MYO10: variants seen among roughly 807,000 people sequenced by gnomAD.
The protein encoded by MYO10 is unconventional myosin-X.
Under a neutral mutation model 257.3 loss-of-function variants are expected in MYO10, and 133 were observed. That is an observed-to-expected ratio of 0.52 (90% CI 0.45 to 0.60). MYO10 has a LOEUF of 0.60. Ranked by LOEUF, MYO10 falls within the 20% of genes least tolerant of loss-of-function variation. The pLI, the probability that MYO10 is intolerant of heterozygous loss-of-function variation, is 0.00. For synonymous variants in MYO10, 1,104 were observed against 1,028.6 expected (o/e 1.07, Z -1.40); for missense variants, 2,399 against 2,635.7 (o/e 0.91, Z 1.97).
chr5:16,892,924 G>A (rs896550132), intron 1 of MYO10, among the ~76,000 whole-genome samples: 3 of 152,166 alleles, frequency 2.0e-5, no homozygotes, highest in African/African-American at 4.8e-5. Flanking sequence ...GGCCAGGCAC[G>A]GTGGCTCACA....
intron 35 of MYO10, among the ~76,000 whole-genome samples, chr5:16,674,511 C>A (rs1736629227): frequency 6.6e-6 from 1 of 150,852 alleles, no homozygotes; most frequent in Admixed American, 6.6e-5. Flanking sequence ...TATAGCTAAT[C>A]AAAATCTCAA....
intron 28 of MYO10, among the ~76,000 whole-genome samples, chr5:16,686,043 T>C (rs979410653): frequency 2.6e-5 from 4 of 152,248 alleles, no homozygotes; most frequent in Non-Finnish European, 4.4e-5. Context: ...TAGTGCTATA[T>C]TATGTTCTAA....
intron 1 of MYO10, among the ~76,000 whole-genome samples, chr5:16,908,479 G>A (rs1317662230): frequency 6.6e-6 from 1 of 152,200 alleles, no homozygotes; most frequent in East Asian, 1.9e-4. Context: ...AGTGGGCTGA[G>A]ATCATGCCAC....
intron 19 of MYO10, among the ~76,000 whole-genome samples, chr5:16,724,133 C>T (rs552430846): frequency 3.7e-4 from 57 of 152,152 alleles, no homozygotes; most frequent in Non-Finnish European, 6.6e-4. Flanking sequence ...CTAAATGAAT[C>T]GACCTCACTA....
chr5:16,927,554 G>A (rs1344521999), intron 1 of MYO10, among the ~76,000 whole-genome samples: 1 of 152,166 alleles, frequency 6.6e-6, no homozygotes, highest in Admixed American at 6.5e-5. Flanking sequence ...TGGATCTCCT[G>A]ACCTCGTGAT....
At position 16,737,010 on chromosome 5, in the gene MYO10, C is replaced by T. The variant is rs1054002315; in HGVS notation, c.1929+17818G>A. On this transcript the variant is annotated intron_variant, in intron 19 of 40. Coordinates refer to ENST00000513610, the MANE Select transcript of MYO10 (RefSeq NM_012334.3). ...ATTCAAATCATGGTCTTTTGCCAAACGGCTAAAAGCTGAAATCTCAGTTAT... is the reference window on the plus strand; with the variant it reads ...ATTCAAATCATGGTCTTTTGCCAAATGGCTAAAAGCTGAAATCTCAGTTAT... Among the ~76,000 whole-genome samples, 14 of 151,720 alleles carry T rather than the reference C, an allele frequency of 9.2e-5. No homozygotes were observed. In the South Asian group the frequency reaches 1.0e-3, roughly 11 times the overall value.
intron 2 of MYO10, among the ~76,000 whole-genome samples, chr5:16,867,710 T>C (rs1744322168): frequency 6.6e-6 from 1 of 152,200 alleles, no homozygotes; most frequent in African/African-American, 2.4e-5. Context: ...TATAAATAAT[T>C]AGTGCTGTGT....
At chr5:16,667,612 C>T (rs1484196515) in intron 40 of MYO10, among the ~76,000 whole-genome samples, 1 of 152,150 alleles carries the variant, frequency 6.6e-6, no homozygotes, top group Non-Finnish European at 1.5e-5. Flanking sequence ...CACGACTCCC[C>T]ATCAGCCTAG....
chr5:16,811,164 G>T (rs549229474), intron 3 of MYO10, among the ~76,000 whole-genome samples: 1 of 152,104 alleles, frequency 6.6e-6, no homozygotes, highest in African/African-American at 2.4e-5. Flanking sequence ...GATGGTAAGT[G>T]GGGGGGGGAT....
Position 16,877,691 on chromosome 5 carries a change from AGC to A in MYO10, c.36_37del (p.Trp12CysfsTer55), listed in dbSNP as rs1368516513. The A allele has an allele frequency of 2.5e-6, 4 of 1,613,448 alleles. No homozygotes were observed. Among genetic ancestry groups the A allele is most frequent in the Non-Finnish European group, 8.5e-7 (1 of 1,179,656 alleles). On this transcript the variant is annotated frameshift_variant, in exon 2 of 41. Transcript: ENST00000513610. LOFTEE classifies it high-confidence loss of function. Reference sequence around the variant, plus strand: ...TGGAAAATGCTGGCCATTTTCTCTCAGCCAGACCCGTGTTCCCTGTAAACAAA... The same window carrying A: ...TGGAAAATGCTGGCCATTTTCTCTCACAGACCCGTGTTCCCTGTAAACAAA...
intron 2 of MYO10, among the ~76,000 whole-genome samples, chr5:16,820,920 T>C (rs954666044): frequency 1.3e-5 from 2 of 148,174 alleles, no homozygotes; most frequent in Admixed American, 6.8e-5. Context: ...GTATTTTACA[T>C]ATATAAAACA....
chr5:16,702,428 A>G, intron 24 of MYO10, 115 bp downstream of exon 24: 1 of 1,014,664 alleles, frequency 9.9e-7, no homozygotes, highest in Admixed American at 2.7e-5. Flanking sequence ...ATCCTCTTAA[A>G]TTGTTCTTCC....
At chr5:16,714,801 C>T (rs758352322) in intron 19 of MYO10, among the ~76,000 whole-genome samples, 3 of 152,024 alleles carry the variant, frequency 2.0e-5, no homozygotes, top group African/African-American at 4.8e-5. Flanking sequence ...CCAGCCTGGG[C>T]GACAGAGCGA....
chr5:16,793,651 CG>C (rs1245575901), intron 4 of MYO10, among the ~76,000 whole-genome samples: 2 of 150,820 alleles, frequency 1.3e-5, no homozygotes, highest in Middle Eastern at 3.2e-3. Flanking sequence ...AAATACTCGC[CG>C]GGAGCGGTGG....
intron 32 of MYO10, among the ~76,000 whole-genome samples, chr5:16,680,376 G>A (rs765971096): frequency 2.0e-5 from 3 of 152,174 alleles, no homozygotes; most frequent in Non-Finnish European, 4.4e-5. Context: ...AATGATAACT[G>A]GCTCTGGAAG....
chr5:16,883,983 A>G (rs1744827429), intron 1 of MYO10, among the ~76,000 whole-genome samples: 1 of 152,214 alleles, frequency 6.6e-6, no homozygotes, highest in South Asian at 2.1e-4. Flanking sequence ...GTGCCTGCTC[A>G]TCTCCCACAG....
In MYO10 at chr5:16,683,906, A is replaced by G. The variant is rs1420854744; in HGVS notation, c.4020T>C (p.Ser1340=). The G allele has an allele frequency of 6.2e-7, 1 of 1,613,704 alleles. No homozygotes were observed. The highest frequency in any genetic ancestry group is 8.5e-7 in the Non-Finnish European group (1 of 1,179,842). ...VGTLDVGLID[S]VCASDSPDRP... ...TATCAGGGCTGTCAGAGGCACACAC[A>G]GAATCAATCAGCCCCACATCCAAGG... Residue 1340 remains serine, a synonymous_variant, in exon 30 of 41, where the codon TCT becomes TCC. Transcript: ENST00000513610.
At chr5:16,800,077 G>A (rs1655073533) in intron 3 of MYO10, among the ~76,000 whole-genome samples, 1 of 152,170 alleles carries the variant, frequency 6.6e-6, no homozygotes, top group Non-Finnish European at 1.5e-5. Context: ...CATCCAGCTG[G>A]TTTAGTTATA....
intron 9 of MYO10, among the ~76,000 whole-genome samples, chr5:16,778,862 T>C (rs1326810831): frequency 1.3e-5 from 2 of 151,956 alleles, no homozygotes; most frequent in East Asian, 3.9e-4. Flanking sequence ...GGCTAATTGT[T>C]TGTATTTTTA....
Sources: gnomAD v4.1 joint callset for allele counts (sites outside exome capture counted in the v4.1 genomes callset) on GRCh38, gnomAD v4.1.1 for gene constraint, MANE v1.5 for transcripts, NCBI Gene and HGNC (gene_info 2026-07-23, HGNC 2026-07-21) for gene names.